CADPS: variants seen among roughly 807,000 people sequenced by gnomAD.
CADPS encodes the protein calcium dependent secretion activator, also known as calcium-dependent secretion activator 1.
In CADPS, 57 loss-of-function variants were observed where a neutral mutation model predicts 167.3. That is an observed-to-expected ratio of 0.34 (90% CI 0.28 to 0.42). CADPS has a LOEUF of 0.42. Among genes scored for constraint, CADPS ranks in the 20% least tolerant of loss-of-function variants. The probability of loss-of-function intolerance (pLI) is 1.00; values close to 1 mark genes in which losing one functional copy is unlikely to be tolerated. For synonymous variants in CADPS, 676 were observed against 635.3 expected, an observed-to-expected ratio of 1.06 and a Z score of -0.96; for missense variants, 1,414 against 1,738.1, an observed-to-expected ratio of 0.81 and a Z score of 3.32.
At chr3:62,814,039 C>T (rs2094502781) in intron 1 of CADPS, among the ~76,000 whole-genome samples, 1 of 152,090 alleles carries the variant, frequency 6.6e-6, no homozygotes. Context: ...ATTAATGATA[C>T]CATAGAAACT....
intron 6 of CADPS, among the ~76,000 whole-genome samples, chr3:62,639,129 A>G (rs958082562): frequency 3.3e-5 from 5 of 152,176 alleles, no homozygotes; most frequent in Non-Finnish European, 5.9e-5. Context: ...GAGGCAGTAC[A>G]GTGTCTGAGC....
chr3:62,775,227 T>C (rs1018480052), intron 1 of CADPS, among the ~76,000 whole-genome samples: 3 of 151,774 alleles, frequency 2.0e-5, no homozygotes, highest in African/African-American at 4.8e-5. Context: ...TGTATTTTTT[T>C]TTTTTAGTAG....
intron 3 of CADPS, among the ~76,000 whole-genome samples, chr3:62,751,707 C>T (rs2082746111): frequency 6.6e-6 from 1 of 152,152 alleles, no homozygotes; most frequent in Non-Finnish European, 1.5e-5. Flanking sequence ...AGGCATGAGC[C>T]ACCGTGCCTG....
At chr3:62,658,708 C>A (rs1467307713) in intron 4 of CADPS, among the ~76,000 whole-genome samples, 1 of 152,238 alleles carries the variant, frequency 6.6e-6, no homozygotes, top group Non-Finnish European at 1.5e-5. Flanking sequence ...CCACCCACAG[C>A]CCCACTTCTT....
chr3:62,824,065 C>A (rs1576924131), intron 1 of CADPS, among the ~76,000 whole-genome samples: 1 of 149,462 alleles, frequency 6.7e-6, no homozygotes, highest in East Asian at 2.0e-4. Context: ...GACAAAAAAA[C>A]AAATTCAAAT....
chr3:62,711,940 C>T (rs895144948), intron 3 of CADPS, among the ~76,000 whole-genome samples: 9 of 152,104 alleles, frequency 5.9e-5, no homozygotes, highest in Non-Finnish European at 7.4e-5. Context: ...TCTAAAACAT[C>T]TAGAAATACA....
chr3:62,651,276 T>C (rs1189548976), intron 4 of CADPS, among the ~76,000 whole-genome samples, 196 bp from the exon 5 acceptor site: 1 of 152,164 alleles, frequency 6.6e-6, no homozygotes, highest in Non-Finnish European at 1.5e-5. Context: ...ATTTATACAT[T>C]GTAACAGGTA....
chr3:62,772,009 C>G (rs2088947397), intron 1 of CADPS, among the ~76,000 whole-genome samples: 1 of 152,124 alleles, frequency 6.6e-6, no homozygotes, highest in Admixed American at 6.5e-5. Flanking sequence ...GGTTTTTCCT[C>G]TGTAAATAGG....
At chr3:62,798,634 G>A (rs2093591769) in intron 1 of CADPS, among the ~76,000 whole-genome samples, 2 of 151,888 alleles carry the variant, frequency 1.3e-5, no homozygotes, top group South Asian at 4.2e-4. Context: ...ATACAAACAG[G>A]GAGATGAATT....
intron 6 of CADPS, among the ~76,000 whole-genome samples, chr3:62,636,148 T>G (rs947870107): frequency 6.6e-6 from 1 of 152,152 alleles, no homozygotes. Flanking sequence ...TATGTTAAAT[T>G]TGAAATGTTA....
At chr3:62,594,878 A>G (rs149564868) in intron 6 of CADPS, among the ~76,000 whole-genome samples, 1 of 152,340 alleles carries the variant, frequency 6.6e-6, no homozygotes, top group African/African-American at 2.4e-5. Context: ...TTTGGGAACG[A>G]GAGTTCAAAT....
chr3:62,498,127 A>T, intron 18 of CADPS: 1 of 456,640 alleles, frequency 2.2e-6, no homozygotes, highest in Non-Finnish European at 4.4e-6. Flanking sequence ...TGGCTGGTTC[A>T]TTCGGTTTAG....
chr3:62,740,708 C>A (rs1402111623), intron 3 of CADPS, among the ~76,000 whole-genome samples: 1 of 152,190 alleles, frequency 6.6e-6, no homozygotes, highest in Non-Finnish European at 1.5e-5. Flanking sequence ...CCCCCTACTA[C>A]CCCTATCACC....
chr3:62,802,030 A>T (rs1043512834), intron 1 of CADPS, among the ~76,000 whole-genome samples: 1 of 152,090 alleles, frequency 6.6e-6, no homozygotes, highest in Non-Finnish European at 1.5e-5. Flanking sequence ...CTTTGTGAGG[A>T]GAAAGATTCA....
At chr3:62,422,146 G>A (rs532446055) in intron 28 of CADPS, among the ~76,000 whole-genome samples, 28 of 152,218 alleles carry the variant, frequency 1.8e-4, no homozygotes, top group Non-Finnish European at 3.8e-4. Flanking sequence ...CAAGTGGGGA[G>A]CCTTTACAAG....
rs533667993 is a variant in CADPS at position 62,545,767 on chromosome 3, A to G, written c.1966+4136T>C. On this transcript the variant is annotated intron_variant, in intron 11 of 29. Transcript: ENST00000383710. Reference sequence around the variant, plus strand: ...CCCAAATAAACTCACAATTACTCCCAAGTTTTCCAAACTATAAAAATGGTC... The same window carrying G: ...CCCAAATAAACTCACAATTACTCCCGAGTTTTCCAAACTATAAAAATGGTC... Among the ~76,000 whole-genome samples, 5 of 152,312 alleles carry G rather than the reference A, an allele frequency of 3.3e-5. No individual in the cohort carries two copies. The South Asian group carries it at 1.0e-3, about 32-fold the overall frequency.
intron 1 of CADPS, among the ~76,000 whole-genome samples, chr3:62,825,737 CTT>C (rs2073924427): frequency 6.6e-6 from 1 of 152,180 alleles, no homozygotes; most frequent in Non-Finnish European, 1.5e-5. Context: ...TAGAAAATAA[CTT>C]TAAACTTTGA....
chr3:62,545,728 T>G (rs899208956), intron 11 of CADPS, among the ~76,000 whole-genome samples: 7 of 152,180 alleles, frequency 4.6e-5, no homozygotes, highest in African/African-American at 1.7e-4. Flanking sequence ...ACTGTTAAAC[T>G]GAATTTAGAA....
At chr3:62,825,358 T>C (rs1352549216) in intron 1 of CADPS, among the ~76,000 whole-genome samples, 1 of 152,096 alleles carries the variant, frequency 6.6e-6, no homozygotes, top group Non-Finnish European at 1.5e-5. Context: ...CAAAGTGTGG[T>C]ATGCAAACCA....
Sources: allele counts gnomAD v4.1 joint callset (sites outside exome capture counted in the v4.1 genomes callset), GRCh38; gene constraint gnomAD v4.1.1; transcripts MANE v1.5; gene names NCBI Gene and HGNC (gene_info 2026-07-23, HGNC 2026-07-21).